DENND2A: variants seen among roughly 807,000 people sequenced by gnomAD.
DENND2A encodes the protein DENN domain containing 2A.
Under a neutral mutation model 105.3 loss-of-function variants are expected in DENND2A, and 53 were observed. That is an observed-to-expected ratio of 0.50 (90% CI 0.40 to 0.63). DENND2A has a LOEUF of 0.63. Ranked by LOEUF, DENND2A falls within the 30% of genes least tolerant of loss-of-function variation. The probability of loss-of-function intolerance (pLI) is 0.00; values close to 1 mark genes in which losing one functional copy is unlikely to be tolerated. For synonymous variants in DENND2A, 522 were observed against 508.4 expected (o/e 1.03, Z -0.36); for missense variants, 1,138 against 1,279.6 (o/e 0.89, Z 1.69).
Position 140,596,866 on chromosome 7 carries a change from G to T in DENND2A, c.995+4537C>A, listed in dbSNP as rs562467307. On this transcript the variant is annotated intron_variant, in intron 3 of 19. Transcript: ENST00000496613. ...TAGTAACTTTTCTTGTTAAATGTCG[G>T]CCTTAAGGCATTCTTGCCAGAGCTA... is the stretch of plus-strand genomic sequence containing the variant. 2.2e-3 allele frequency among the ~76,000 whole-genome samples: 332 copies of T among 152,268 alleles called. 5 individuals carry two copies. The highest frequency in any genetic ancestry group is 1.3e-3 in the Non-Finnish European group (91 of 68,022).
In DENND2A at chr7:140,594,384, A is replaced by G. The variant is rs968559138; in HGVS notation, c.996-6604T>C. Among the ~76,000 whole-genome samples, 3 of 152,106 alleles carry G rather than the reference A, an allele frequency of 2.0e-5. 1 individual carries two copies. The highest frequency in any genetic ancestry group is 4.4e-5 in the Non-Finnish European group (3 of 68,018). ...ACTCCTGCCTTGCAGTTCCTCTGAC[A>G]TGATGCAGTCTTTCCTGTCTCAGGG... On this transcript the variant is annotated intron_variant, in intron 3 of 19. Coordinates refer to ENST00000496613, the MANE Select transcript of DENND2A (RefSeq NM_015689.5).
intron 14 of DENND2A, among the ~76,000 whole-genome samples, chr7:140,542,181 G>GC (rs1226270202): frequency 3.9e-5 from 6 of 152,168 alleles, no homozygotes; most frequent in Non-Finnish European, 7.4e-5. Flanking sequence ...ACGCTTCTGT[G>GC]CCCCCAGTTC....
chr7:140,546,655 T>C, intron 13 of DENND2A, 144 bp downstream of exon 13: 1 of 1,059,860 alleles, frequency 9.4e-7, no homozygotes, highest in Non-Finnish European at 1.3e-6. Context: ...GAACTCATGA[T>C]GAGTGATCTG....
chr7:140,635,656 C>T (rs1800898781), intron 1 of DENND2A, among the ~76,000 whole-genome samples: 1 of 152,200 alleles, frequency 6.6e-6, no homozygotes, highest in Non-Finnish European at 1.5e-5. Context: ...CCCTTCCTTC[C>T]CCAAGGCCAG....
In DENND2A at chr7:140,531,424, C is replaced by T. The variant is rs145053164; in HGVS notation, c.2328-3929G>A. 5.9e-3 allele frequency among the ~76,000 whole-genome samples: 893 copies of T among 152,078 alleles called. 9 individuals are homozygous for T. Among genetic ancestry groups the T allele is most frequent in the South Asian group, 0.021 (102 of 4,826 alleles). ...GTCTTGAAATCATTTTAGAGGGTTG[C>T]GATCAGCATTAAAAACAAGAACAAA... On this transcript the variant is annotated intron_variant, in intron 14 of 19. Coordinates refer to ENST00000496613, the MANE Select transcript of DENND2A (RefSeq NM_015689.5).
intron 13 of DENND2A, among the ~76,000 whole-genome samples, chr7:140,545,751 C>G (rs1294208918): frequency 2.0e-5 from 3 of 152,134 alleles, no homozygotes; most frequent in Non-Finnish European, 4.4e-5. Flanking sequence ...GTTTTTTTCT[C>G]TTTAAATAGC....
rs531589656 is a variant in DENND2A, at chr7:140,534,229, C to T, written c.2328-6734G>A. Among the ~76,000 whole-genome samples, 32 of 152,060 alleles carry T rather than the reference C, an allele frequency of 2.1e-4. No individual in the cohort carries two copies. The East Asian group carries it at 5.8e-3, about 28-fold the overall frequency. Reference sequence around the variant, plus strand: ...CCTCCCGAGTTGCTGGGATTACAGGCACGTGCCACCACGCCCAGCTAATTT... The same window carrying T: ...CCTCCCGAGTTGCTGGGATTACAGGTACGTGCCACCACGCCCAGCTAATTT... On this transcript the variant is annotated intron_variant, in intron 14 of 19. Coordinates refer to ENST00000496613, the MANE Select transcript of DENND2A (RefSeq NM_015689.5).
At chr7:140,641,335 C>G (rs1801199566), upstream of DENND2A, 2 of 152,518 alleles carry the variant, frequency 1.3e-5, no homozygotes, top group Admixed American at 1.3e-4. Flanking sequence ...CCAGACCGGG[C>G]GGGAAGGGAG....
intron 1 of DENND2A, among the ~76,000 whole-genome samples, chr7:140,611,829 G>A (rs974680556): frequency 2.6e-5 from 4 of 152,168 alleles, no homozygotes; most frequent in African/African-American, 7.2e-5. Context: ...ATTGTTCCTC[G>A]TTGCTATTAA....
At chr7:140,637,630 G>A (rs780358960) in intron 1 of DENND2A, among the ~76,000 whole-genome samples, 5 of 152,144 alleles carry the variant, frequency 3.3e-5, no homozygotes, top group Non-Finnish European at 7.4e-5. Context: ...CCAGTCTGGA[G>A]GCAGAATGAC....
chr7:140,613,013 CT>C (rs1416713817), intron 1 of DENND2A, among the ~76,000 whole-genome samples: 11 of 151,728 alleles, frequency 7.2e-5, no homozygotes, highest in African/African-American at 2.7e-4. Flanking sequence ...ACTTGGGAGG[CT>C]GAGGCAGGAG....
intron 4 of DENND2A, among the ~76,000 whole-genome samples, chr7:140,586,474 G>A (rs556999823): frequency 6.6e-6 from 1 of 152,102 alleles, no homozygotes; most frequent in Admixed American, 6.6e-5. Flanking sequence ...CAGGAGAATT[G>A]CATGAACCTG....
intron 14 of DENND2A, among the ~76,000 whole-genome samples, chr7:140,541,821 T>C (rs1796671679): frequency 6.6e-6 from 1 of 151,982 alleles, no homozygotes; most frequent in Admixed American, 6.6e-5. Context: ...AAACACAGGG[T>C]GGGAGCAGGC....
At chr7:140,539,456 C>T (rs993029585) in intron 14 of DENND2A, among the ~76,000 whole-genome samples, 12 of 152,292 alleles carry the variant, frequency 7.9e-5, no homozygotes, top group Admixed American at 1.3e-4. Flanking sequence ...GAGCACAAAG[C>T]GGGTCCTGAG....
chr7:140,519,803 A>G, intron 18 of DENND2A, 85 bp from the exon 19 acceptor site: 2 of 1,268,600 alleles, frequency 1.6e-6, no homozygotes, highest in South Asian at 2.4e-5. Flanking sequence ...CAGAGAAAAG[A>G]GAAACCTTGT....
intron 14 of DENND2A, among the ~76,000 whole-genome samples, chr7:140,528,187 C>G (rs1796132539): frequency 6.8e-6 from 1 of 147,738 alleles, no homozygotes; most frequent in African/African-American, 2.7e-5. Context: ...TACTCCCTGC[C>G]CCCTACACAA....
At chr7:140,533,194 T>C (rs1051409937) in intron 14 of DENND2A, among the ~76,000 whole-genome samples, 1 of 152,152 alleles carries the variant, frequency 6.6e-6, no homozygotes, top group Non-Finnish European at 1.5e-5. Context: ...GATTTCACCA[T>C]GTTGGCCAGG....
rs776967749 is a variant in DENND2A at position 140,585,674 on chromosome 7, T to C, written c.1160A>G (p.Glu387Gly). ...PMKENPYEDI[E>G]LHGRCLGKKC... Reference sequence around the variant, plus strand: ...CTTTCCCAGGCAGCGACCATGTAACTCGATGTCCTCATAAGGGTTCTCCTT... The same window carrying C: ...CTTTCCCAGGCAGCGACCATGTAACCCGATGTCCTCATAAGGGTTCTCCTT... The change falls in exon 5 of 20, where the codon GAG (glutamate) becomes GGG (glycine). Residue 387 changes from glutamate to glycine, a missense_variant. By Grantham distance (98) the Glu-to-Gly change is moderately conservative. Around this residue, in one of 2 missense-constraint regions of DENND2A, gnomAD observed 511 missense variants for 499.9 expected, o/e 1.02. Coordinates refer to ENST00000496613, the MANE Select transcript of DENND2A (RefSeq NM_015689.5). 6.2e-7 allele frequency: 1 copy of C among 1,614,202 alleles called. No homozygotes were observed.
At chr7:140,526,743 G>C (rs1466578966) in intron 15 of DENND2A, among the ~76,000 whole-genome samples, 1 of 152,180 alleles carries the variant, frequency 6.6e-6, no homozygotes, top group Non-Finnish European at 1.5e-5. Flanking sequence ...AGGACAGAGG[G>C]ACAGGCGTTC....
Sources: gnomAD v4.1 joint callset for allele counts (sites outside exome capture counted in the v4.1 genomes callset) on GRCh38, gnomAD v4.1.1 for gene constraint, gnomAD v4.1.1 regional missense constraint, MANE v1.5 for transcripts, NCBI Gene and HGNC (gene_info 2026-07-23, HGNC 2026-07-21) for gene names.